The following EFNB1 variants were observed in gnomAD, a reference collection of about 807,000 sequenced individuals.
EFNB1 encodes ephrin B1.
In EFNB1, 1 loss-of-function variant was observed where a neutral mutation model predicts 18.1. The observed-to-expected ratio is 0.06, with a 90% CI of 0.02 to 0.26. The LOEUF (loss-of-function observed/expected upper bound fraction) is 0.26, where lower values mean the gene tolerates loss of function less well. EFNB1 is among the 10% of genes least tolerant of loss of function. The pLI is 1.00. For synonymous variants in EFNB1, 131 were observed against 127.5 expected (o/e 1.03, Z -0.19); for missense variants, 221 against 301.8 (o/e 0.73, Z 1.98).
At chrX:68,833,104 C>T (rs2080451318) in intron 1 of EFNB1, among the ~76,000 whole-genome samples, 1 of 110,760 alleles carries the variant, frequency 9.0e-6, no homozygotes, top group Admixed American at 9.5e-5. Flanking sequence ...AGCTTGGCAT[C>T]CAGGACCCTT....
chrX:68,832,811 C>CGTGTGTGTGTGTGTGTGTGTGTGTGT (rs3085479), intron 1 of EFNB1, among the ~76,000 whole-genome samples: 1 of 97,358 alleles, frequency 1.0e-5, no homozygotes, highest in African/African-American at 3.9e-5. Flanking sequence ...TCTGTGTGTG[C>CGTGTGTGTGTGTGTGTGTGTGTGTGT]GTGTGTGTGT....
intron 1 of EFNB1, among the ~76,000 whole-genome samples, chrX:68,836,765 C>A: frequency 8.9e-6 from 1 of 112,304 alleles, no homozygotes; most frequent in South Asian, 3.7e-4. Context: ...CTGCCTGAAG[C>A]CTTCCATTGT....
At chrX:68,834,974 G>A (rs2080456903) in intron 1 of EFNB1, among the ~76,000 whole-genome samples, 1 of 112,609 alleles carries the variant, frequency 8.9e-6, no homozygotes, top group South Asian at 3.6e-4. Context: ...GGAGGGGGCT[G>A]TTGGTTAGTT....
intron 1 of EFNB1, among the ~76,000 whole-genome samples, chrX:68,836,514 G>A (rs761765950): frequency 3.0e-4 from 34 of 112,047 alleles, no homozygotes; most frequent in Non-Finnish European, 3.2e-4. Flanking sequence ...GCTTTTCTTC[G>A]TCCACTTCAT....
intron 1 of EFNB1, among the ~76,000 whole-genome samples, chrX:68,836,487 G>A (rs1303714755): frequency 8.9e-6 from 1 of 112,036 alleles, no homozygotes; most frequent in Admixed American, 9.4e-5. Flanking sequence ...AGCCTCACTC[G>A]ACATGGAGGA....
rs1199253876 is a variant in EFNB1, at chrX:68,829,029, T to G, written c.-748T>G. 8.9e-6 allele frequency: 1 copy of G among 111,949 alleles called. No homozygotes were observed. Among genetic ancestry groups the G allele is most frequent in the Non-Finnish European group, 1.9e-5 (1 of 53,558 alleles). The allele number at this position is 111,949 out of a possible 1,213,427, so 9.2% of individuals were successfully genotyped here. A position where few individuals can be genotyped will look rare whatever the true frequency, so the allele number is the denominator to read the frequency against. On this transcript the variant is annotated 5_prime_UTR_variant, in exon 1 of 5. Transcript: ENST00000204961. The stretch of plus-strand genomic sequence containing the variant: ...GGCAGCGGAGGGAGTCTATGCGAGC[T>G]GGACAGCAGTGGGAGGTTTGTGAGG...
intron 1 of EFNB1, among the ~76,000 whole-genome samples, chrX:68,834,473 G>C (rs1270559768): frequency 8.8e-6 from 1 of 113,320 alleles, no homozygotes. Context: ...TGACAGAGCT[G>C]TGTGTGCCAG....
intron 1 of EFNB1, among the ~76,000 whole-genome samples, chrX:68,831,783 A>T (rs1344226531): frequency 2.7e-5 from 3 of 110,379 alleles, no homozygotes; most frequent in Admixed American, 9.6e-5. Context: ...TTGTGCTCAG[A>T]GACTTTAGTG....
chrX:68,840,923 A>C lies in EFNB1; in HGVS notation c.*269A>C. 1 of 397,574 alleles carries C rather than the reference A, an allele frequency of 2.5e-6. No homozygotes were observed. The highest frequency in any genetic ancestry group is 4.4e-6 in the Non-Finnish European group (1 of 227,670). 32.8% of individuals were successfully genotyped at this position (397,574 alleles called of 1,213,427 possible). On this transcript the variant is annotated 3_prime_UTR_variant, in exon 5 of 5. Transcript: ENST00000204961. ...CCCTTCTTGGAAGGCAGGGCTGGAC[A>C]CTGATGGACAGCAGGCAGGGAGACA...
chrX:68,837,581 C>T (rs778070081), intron 1 of EFNB1, among the ~76,000 whole-genome samples: 9 of 112,462 alleles, frequency 8.0e-5, no homozygotes, highest in African/African-American at 2.6e-4. Flanking sequence ...AATGGAGCAC[C>T]ATTTTCTTTC....
At chrX:68,835,215 T>A (rs1196275900) in intron 1 of EFNB1, among the ~76,000 whole-genome samples, 1 of 111,016 alleles carries the variant, frequency 9.0e-6, no homozygotes, top group Non-Finnish European at 1.9e-5. Flanking sequence ...CAGGGCTATC[T>A]GAGGCTGGAG....
chrX:68,832,760 G>C (rs1166429116), intron 1 of EFNB1, among the ~76,000 whole-genome samples: 1 of 110,635 alleles, frequency 9.0e-6, no homozygotes, highest in Non-Finnish European at 1.9e-5. Context: ...GCGCAAGGTG[G>C]GGGGATGGGT....
intron 1 of EFNB1, among the ~76,000 whole-genome samples, chrX:68,833,361 C>T (rs754842311): frequency 1.8e-5 from 2 of 112,287 alleles, no homozygotes; most frequent in East Asian, 5.7e-4. Context: ...CCTGCCTCCC[C>T]TCTCCCACAT....
intron 1 of EFNB1, among the ~76,000 whole-genome samples, chrX:68,831,265 C>A (rs1464335813): frequency 9.1e-6 from 1 of 109,380 alleles, no homozygotes; most frequent in Non-Finnish European, 1.9e-5. Context: ...TTTGATCTCT[C>A]AGCCCTGGAG....
chrX:68,830,832 TTTTC>T (rs2080443182), intron 1 of EFNB1, among the ~76,000 whole-genome samples: 1 of 111,957 alleles, frequency 8.9e-6, no homozygotes, highest in African/African-American at 3.3e-5. Flanking sequence ...ACATCCTTTC[TTTTC>T]TTTCTTCTCC....
In EFNB1 at chrX:68,840,374, T is replaced by C. The variant is rs1211427569; in HGVS notation, c.761T>C (p.Ile254Thr). 20 of 1,210,314 alleles carry C rather than the reference T, an allele frequency of 1.7e-5. No individual in the cohort carries two copies. Among genetic ancestry groups the C allele is most frequent in the Non-Finnish European group, 2.0e-5 (18 of 895,284 alleles). ...GCCGGTTGCGTCATCTTCCTGCTCA[T>C]CATCATCTTCCTGACGGTCCTACTA... ...VGAGCVIFLL[I>T]IIFLTVLLLK... The change falls in exon 5 of 5, where the codon ATC (isoleucine) becomes ACC (threonine). Residue 254 changes from isoleucine to threonine, a missense_variant. Transcript: ENST00000204961.
In EFNB1 at chrX:68,839,940, T is replaced by C; in HGVS notation, c.500-20T>C. 2 of 1,211,865 alleles carry C rather than the reference T, an allele frequency of 1.7e-6. No individual in the cohort carries two copies. Among genetic ancestry groups the C allele is most frequent in the Non-Finnish European group, 2.2e-6 (2 of 895,479 alleles). ...GCTGGCCGGGTCCCTGCCTCTCACC[T>C]GTTCTGTCTCCATTCTTAGATCCCA... On this transcript the variant is annotated intron_variant, in intron 3 of 4. Coordinates refer to ENST00000204961, the MANE Select transcript of EFNB1 (RefSeq NM_004429.5).
At chrX:68,831,932 C>G (rs2147974025) in intron 1 of EFNB1, among the ~76,000 whole-genome samples, 1 of 110,346 alleles carries the variant, frequency 9.1e-6, no homozygotes, top group East Asian at 2.9e-4. Context: ...GAATTCCATT[C>G]TGTAATTGGG....
chrX:68,839,291 G>T (rs1299360826), intron 2 of EFNB1, among the ~76,000 whole-genome samples: 3 of 112,468 alleles, frequency 2.7e-5, no homozygotes, highest in Non-Finnish European at 5.6e-5. Context: ...ATCACACAGT[G>T]AGTTAGAGAT....
Sources: allele counts gnomAD v4.1 joint callset (sites outside exome capture counted in the v4.1 genomes callset), GRCh38; gene constraint gnomAD v4.1.1; transcripts MANE v1.5; gene names NCBI Gene and HGNC (gene_info 2026-07-23, HGNC 2026-07-21).